CCND3: variants seen among roughly 807,000 people sequenced by gnomAD.
CCND3 encodes G1/S-specific cyclin-D3.
A neutral mutation model predicts 28.7 loss-of-function variants in CCND3; 9 were observed. The ratio of observed to expected loss-of-function variants is 0.31; its 90% CI spans 0.19 to 0.55. The LOEUF is 0.55. CCND3 is among the 20% of genes least tolerant of loss of function. The probability of loss-of-function intolerance (pLI) is 0.93; values close to 1 mark genes in which losing one functional copy is unlikely to be tolerated. For synonymous variants in CCND3, 164 were observed against 163.9 expected (o/e 1.00, Z 0.00); for missense variants, 315 against 385.8 (o/e 0.82, Z 1.54).
At chr6:41,947,774 C>A (rs889366479) in intron 1 of CCND3, among the ~76,000 whole-genome samples, 3 of 152,116 alleles carry the variant, frequency 2.0e-5, no homozygotes, top group African/African-American at 7.2e-5. Flanking sequence ...CTTCTACCCC[C>A]CGGTCCGAGT....
intron 1 of CCND3, among the ~76,000 whole-genome samples, chr6:41,985,439 G>A (rs549384136): frequency 3.3e-5 from 5 of 151,058 alleles, no homozygotes; most frequent in South Asian, 2.1e-4. Context: ...TCAGCCTTCC[G>A]AGCAGCTGGA....
chr6:42,026,184 C>T (rs1253100829), intron 1 of CCND3, among the ~76,000 whole-genome samples: 3 of 152,186 alleles, frequency 2.0e-5, no homozygotes, highest in African/African-American at 4.8e-5. Context: ...CTCGACCCTG[C>T]TCACATTACA....
At chr6:42,012,479 G>A (rs985900309) in intron 1 of CCND3, among the ~76,000 whole-genome samples, 2 of 151,198 alleles carry the variant, frequency 1.3e-5, no homozygotes, top group South Asian at 2.1e-4. Flanking sequence ...GGTATGTGCT[G>A]TAATCCCAGC....
At chr6:42,011,804 C>T (rs947550715) in intron 1 of CCND3, among the ~76,000 whole-genome samples, 33 of 152,214 alleles carry the variant, frequency 2.2e-4, no homozygotes, top group African/African-American at 6.3e-4. Flanking sequence ...AGTAAGAGGC[C>T]ACCGACGACA....
At chr6:41,959,706 A>G (rs1056823989) in intron 1 of CCND3, among the ~76,000 whole-genome samples, 6 of 142,330 alleles carry the variant, frequency 4.2e-5, no homozygotes, top group Non-Finnish European at 7.6e-5. Context: ...GGTGGCTCAC[A>G]CCTGTAGTCC....
At chr6:41,943,945 C>T (rs963341741), upstream of CCND3, among the ~76,000 whole-genome samples, 2 of 152,110 alleles carry the variant, frequency 1.3e-5, no homozygotes, top group African/African-American at 4.8e-5. Context: ...GATATTAACC[C>T]TTTTCATATT....
At chr6:42,013,782 A>C (rs1763407723) in intron 1 of CCND3, among the ~76,000 whole-genome samples, 1 of 152,186 alleles carries the variant, frequency 6.6e-6, no homozygotes, top group South Asian at 2.1e-4. Flanking sequence ...TTCATTCAAG[A>C]ATGACTCAGG....
intron 1 of CCND3, among the ~76,000 whole-genome samples, chr6:41,954,870 G>A (rs1776402244): frequency 6.6e-6 from 1 of 152,174 alleles, no homozygotes; most frequent in African/African-American, 2.4e-5. Context: ...TGGAGCAGCT[G>A]CAGCCATCTT....
chr6:41,948,254 T>G (rs910740807), intron 1 of CCND3, among the ~76,000 whole-genome samples: 1 of 152,146 alleles, frequency 6.6e-6, no homozygotes, highest in Non-Finnish European at 1.5e-5. Flanking sequence ...CATATTCTGT[T>G]TACAGCTTGT....
In CCND3 at chr6:42,039,357, A is replaced by G. The variant is rs1764306126; in HGVS notation, c.-46+9144T>C. Among the ~76,000 whole-genome samples, 3 of 152,324 alleles carry G rather than the reference A, an allele frequency of 2.0e-5. No individual in the cohort carries two copies. The South Asian group carries it at 6.2e-4, about 32-fold the overall frequency. On this transcript the variant is annotated intron_variant, in intron 1 of 4. Coordinates refer to the CCND3 transcript ENST00000372988. The stretch of plus-strand genomic sequence containing the variant: ...GGCCTCTGAGACTTACAGATGTTGG[A>G]TGAATATACTAGGTGACTGAGCCCA...
Position 41,936,719 on chromosome 6 carries a change from A to G in CCND3, c.575-24T>C, listed in dbSNP as rs754171918. 6.2e-7 allele frequency: 1 copy of G among 1,608,342 alleles called. No individual in the cohort carries two copies. The highest frequency in any genetic ancestry group is 8.5e-7 in the Non-Finnish European group (1 of 1,176,108). On this transcript the variant is annotated intron_variant, in intron 3 of 4. Transcript: ENST00000372991. This position sits in a 1 kb window ranked among gnomAD's most constrained non-coding sequence, Gnocchi z 4.4. ...ATCTTGGAGAGGAGGAAAGGGAACC[A>G]TGAGAGAAGGAAACCTGAAGGATAA... is the stretch of plus-strand genomic sequence containing the variant.
At chr6:41,951,359 C>A (rs1426216598) in intron 1 of CCND3, among the ~76,000 whole-genome samples, 1 of 151,562 alleles carries the variant, frequency 6.6e-6, no homozygotes, top group African/African-American at 2.4e-5. Flanking sequence ...TCGAGACCAA[C>A]CTGGCCAATA....
intron 2 of CCND3, 90 bp downstream of exon 2, chr6:41,940,280 G>C: frequency 8.6e-7 from 1 of 1,167,144 alleles, no homozygotes; most frequent in Non-Finnish European, 1.3e-6. Context: ...CCTCTCCAGG[G>C]GGCAGAAAGC....
intron 1 of CCND3, among the ~76,000 whole-genome samples, chr6:41,987,888 CTCTTT>C (rs1342623595): frequency 1.3e-5 from 2 of 151,844 alleles, no homozygotes; most frequent in Non-Finnish European, 2.9e-5. Context: ...ACTTAGTGAT[CTCTTT>C]TCTTTGCTTC....
Position 42,045,051 on chromosome 6 carries a change from A to G in CCND3, c.-46+3450T>C, listed in dbSNP as rs1201329994. 6.3e-5 allele frequency among the ~76,000 whole-genome samples: 9 copies of G among 143,540 alleles called. No individual in the cohort carries two copies. In the South Asian group the frequency reaches 2.0e-3, roughly 31 times the overall value. The allele number at this position is 143,540 out of a possible 152,430, so 94.2% of individuals were successfully genotyped here. ...GAACTGCTGACCTCGTGATCCGCCC[A>G]CCTTGGCCTCCCAAAGTGCTGGGAT... On this transcript the variant is annotated intron_variant, in intron 1 of 4. Coordinates refer to the CCND3 transcript ENST00000372988.
At chr6:41,998,703 G>C (rs2127419981) in intron 1 of CCND3, among the ~76,000 whole-genome samples, 1 of 150,564 alleles carries the variant, frequency 6.6e-6, no homozygotes. Flanking sequence ...TTTTGAGACA[G>C]AGTTTCGCTC....
At chr6:41,955,443 G>A (rs1433772463) in intron 1 of CCND3, among the ~76,000 whole-genome samples, 1 of 151,872 alleles carries the variant, frequency 6.6e-6, no homozygotes, top group African/African-American at 2.4e-5. Flanking sequence ...ATTAAAGAGG[G>A]AAAATCATAT....
At chr6:41,984,069 TTTCA>T (rs1233782401) in intron 1 of CCND3, among the ~76,000 whole-genome samples, 3 of 152,236 alleles carry the variant, frequency 2.0e-5, no homozygotes, top group Admixed American at 2.0e-4. Context: ...GTGCCTGACA[TTTCA>T]TTTAGCATAA....
rs150209473 is a variant in CCND3, at chr6:42,007,384, A to G, written c.-46+41117T>C. On this transcript the variant is annotated intron_variant, in intron 1 of 4. Transcript: ENST00000372988. ...AGGGTGGCTAGTAAGGCCAAGTCCA[A>G]TTGAAGTCAGGACAAGGGCTTAGTC... Among the ~76,000 whole-genome samples, 1,387 of 152,358 alleles carry G rather than the reference A, an allele frequency of 9.1e-3. 51 individuals carry two copies. The highest frequency in any genetic ancestry group is 0.064 in the Admixed American group (976 of 15,300).
Sources: allele counts gnomAD v4.1 joint callset (sites outside exome capture counted in the v4.1 genomes callset), GRCh38; gene constraint gnomAD v4.1.1; non-coding constraint Gnocchi (gnomAD v3.1); transcripts MANE v1.5; gene names NCBI Gene and HGNC (gene_info 2026-07-23, HGNC 2026-07-21).